Variants in ANKRD12 observed in about 807,000 individuals in gnomAD.
ANKRD12 encodes the protein ankyrin repeat domain-containing protein 12.
A neutral mutation model predicts 183.4 loss-of-function variants in ANKRD12; 85 were observed. The ratio of observed to expected loss-of-function variants is 0.46; its 90% CI spans 0.39 to 0.56. ANKRD12 has a LOEUF of 0.56. ANKRD12 is among the 20% of genes least tolerant of loss of function. ANKRD12 has a pLI of 0.00. For synonymous variants in ANKRD12, 914 were observed against 800.2 expected (o/e 1.14, Z -2.40); for missense variants, 2,405 against 2,357.1 (o/e 1.02, Z -0.42).
chr18:9,276,054 A>G (rs2039818258), intron 11 of ANKRD12, among the ~76,000 whole-genome samples: 1 of 152,212 alleles, frequency 6.6e-6, no homozygotes, highest in South Asian at 2.1e-4. Flanking sequence ...CTAAAAACAG[A>G]GCGAGTCTTC....
intron 1 of ANKRD12, among the ~76,000 whole-genome samples, chr18:9,175,523 C>CT (rs33944736): frequency 0.045 from 2,398 of 52,982 alleles, 674 homozygotes; most frequent in African/African-American, 0.063. Context: ...AAAGGCTCCT[C>CT]TTTTTTTTTT....
intron 1 of ANKRD12, among the ~76,000 whole-genome samples, chr18:9,167,129 A>G (rs1417701135): frequency 6.6e-6 from 1 of 152,140 alleles, no homozygotes; most frequent in African/African-American, 2.4e-5. Flanking sequence ...GCCTTGTAGT[A>G]TAGTTTGAAG....
In ANKRD12 at chr18:9,211,627, G is replaced by A. The variant is rs749674116; in HGVS notation, c.495G>A (p.Lys165=). The A allele has an allele frequency of 3.0e-5, 49 of 1,613,754 alleles. No homozygotes were observed. In the South Asian group the frequency reaches 5.1e-4, roughly 17 times the overall value. Residue 165 remains lysine (K), a synonymous_variant, in exon 6 of 13, where the codon AAG becomes AAA. Transcript: ENST00000262126. ...CATCACAAACAACGCCTGCCCAAAA[G>A]AAAACTCCCAGTTCTTCATCTCGAC... The part of the protein sequence containing the change: ...NHPSQTTPAQ[K]KTPSSSSRQK...
At chr18:9,243,818 G>A (rs1334560908) in intron 8 of ANKRD12, among the ~76,000 whole-genome samples, 1 of 152,194 alleles carries the variant, frequency 6.6e-6, no homozygotes, top group Non-Finnish European at 1.5e-5. Context: ...GCAAATGTTA[G>A]GAAAATAGTT....
At position 9,258,767 on chromosome 18, in the gene ANKRD12, A is replaced by C; in HGVS notation, c.5500A>C (p.Asn1834His). ...TCAGCCATACAGTTCAGAGAGAGCA[A>C]ATCCATATTTTGAATACTTGCACAT... ...EIQPYSSERA[N>H]PYFEYLHIRK... Residue 1834 changes from asparagine to histidine, a missense_variant, in exon 9 of 13, where the codon AAT becomes CAT. This residue lies in a region of ANKRD12 where 1,983 missense variants were observed against 1,725.9 expected (regional missense o/e 1.15). Transcript: ENST00000262126. 1 of 1,613,918 alleles carries C rather than the reference A, an allele frequency of 6.2e-7. No individual in the cohort carries two copies. The highest frequency in any genetic ancestry group is 8.5e-7 in the Non-Finnish European group (1 of 1,179,872).
chr18:9,185,815 A>C (rs1395412218), intron 2 of ANKRD12, among the ~76,000 whole-genome samples: 1 of 152,224 alleles, frequency 6.6e-6, no homozygotes, highest in East Asian at 1.9e-4. Context: ...CTGCACTGCC[A>C]AATGCAACAG....
At chr18:9,168,512 T>C (rs2032328522) in intron 1 of ANKRD12, among the ~76,000 whole-genome samples, 1 of 152,340 alleles carries the variant, frequency 6.6e-6, no homozygotes, top group Non-Finnish European at 1.5e-5. Flanking sequence ...TGTATAGTGG[T>C]GTTTATAGTA....
Position 9,254,754 on chromosome 18 carries a change from A to G in ANKRD12, c.1487A>G (p.Glu496Gly), listed in dbSNP as rs2038500504. ...QELKQEKEGK[E>G]NTRITNLTVN... is the part of the protein sequence containing the mutation. ...CTAAAGCAAGAAAAGGAAGGAAAAG[A>G]AAATACAAGAATAACAAACTTGACA... The change falls in exon 9 of 13, where the codon GAA becomes GGA. Residue 496 changes from glutamate (E) to glycine (G), a missense_variant. Glu to Gly is a moderately conservative substitution (Grantham distance 98). This residue lies in a region of ANKRD12 where 1,983 missense variants were observed against 1,725.9 expected (regional missense o/e 1.15). Coordinates refer to ENST00000262126, the MANE Select transcript of ANKRD12 (RefSeq NM_015208.5). 3 of 1,475,100 alleles carry G rather than the reference A, an allele frequency of 2.0e-6. No homozygotes were observed. The highest frequency in any genetic ancestry group is 1.8e-6 in the Non-Finnish European group (2 of 1,113,878). 91.4% of individuals were successfully genotyped at this position (1,475,100 alleles called of 1,614,324 possible).
At chr18:9,142,740 T>C (rs1380394953) in intron 1 of ANKRD12, among the ~76,000 whole-genome samples, 1 of 151,934 alleles carries the variant, frequency 6.6e-6, no homozygotes, top group Admixed American at 6.6e-5. Flanking sequence ...AAAAATTAGC[T>C]GGGCGTGGTG....
At chr18:9,138,848 C>G (rs2143251687) in intron 1 of ANKRD12, among the ~76,000 whole-genome samples, 1 of 152,266 alleles carries the variant, frequency 6.6e-6, no homozygotes, top group East Asian at 1.9e-4. Context: ...ACTTAAGGAT[C>G]TTTTATATTT....
chr18:9,149,421 A>G (rs960703067), intron 1 of ANKRD12, among the ~76,000 whole-genome samples: 1 of 152,204 alleles, frequency 6.6e-6, no homozygotes, highest in African/African-American at 2.4e-5. Flanking sequence ...TATTGAACAT[A>G]CTTTTCATGA....
At position 9,182,382 on chromosome 18, in the gene ANKRD12, A is replaced by T; in HGVS notation, c.-51A>T. On this transcript the variant is annotated splice_region_variant and 5_prime_UTR_variant, in exon 2 of 13. Coordinates refer to ENST00000262126, the MANE Select transcript of ANKRD12 (RefSeq NM_015208.5). ...ACCCTTATATATCTATTCTTTACAGATCCAGGATGAGAAGACTGATAAAAG... is the reference window on the plus strand; with the variant it reads ...ACCCTTATATATCTATTCTTTACAGTTCCAGGATGAGAAGACTGATAAAAG... The T allele has an allele frequency of 1.6e-6, 2 of 1,247,594 alleles. No homozygotes were observed. Among genetic ancestry groups the T allele is most frequent in the Non-Finnish European group, 2.3e-6 (2 of 865,426 alleles). 77.3% of individuals were successfully genotyped at this position (1,247,594 alleles called of 1,614,324 possible).
intron 9 of ANKRD12, among the ~76,000 whole-genome samples, chr18:9,261,370 T>G (rs1271562023): frequency 6.6e-6 from 1 of 152,206 alleles, no homozygotes; most frequent in Admixed American, 6.5e-5. Flanking sequence ...GAACCTTTGA[T>G]GTATTGGGAG....
At chr18:9,161,028 G>A (rs1353588831) in intron 1 of ANKRD12, among the ~76,000 whole-genome samples, 1 of 152,060 alleles carries the variant, frequency 6.6e-6, no homozygotes, top group Non-Finnish European at 1.5e-5. Flanking sequence ...TTGTAGAGAT[G>A]AGGTCTCACT....
chr18:9,217,938 G>A (rs2036203706), intron 7 of ANKRD12, among the ~76,000 whole-genome samples: 1 of 152,186 alleles, frequency 6.6e-6, no homozygotes, highest in African/African-American at 2.4e-5. Flanking sequence ...AGGATAGGCA[G>A]AATGACAAAA....
chr18:9,176,303 C>G (rs113785020), intron 1 of ANKRD12, among the ~76,000 whole-genome samples: 6 of 152,018 alleles, frequency 3.9e-5, no homozygotes, highest in African/African-American at 1.4e-4. Flanking sequence ...GGGTCTGGCT[C>G]TGTCACTCAG....
At position 9,256,888 on chromosome 18, in the gene ANKRD12, T is replaced by A; in HGVS notation, c.3621T>A (p.Ile1207=). The A allele has an allele frequency of 1.2e-6, 2 of 1,613,958 alleles. No homozygotes were observed. Among genetic ancestry groups the A allele is most frequent in the Non-Finnish European group, 1.7e-6 (2 of 1,179,948 alleles). ...PGLSSRSVSM[I]SVASSEDSCH... The stretch of plus-strand genomic sequence containing the variant: ...TCAGCTCCAGATCTGTATCCATGAT[T>A]TCTGTTGCTAGTTCAGAAGATTCCT... The change falls in exon 9 of 13, where the codon ATT becomes ATA. Residue 1207 remains isoleucine, a synonymous_variant. Coordinates refer to ENST00000262126, the MANE Select transcript of ANKRD12 (RefSeq NM_015208.5).
At chr18:9,265,402 C>T (rs960062635) in intron 10 of ANKRD12, among the ~76,000 whole-genome samples, 6 of 152,142 alleles carry the variant, frequency 3.9e-5, no homozygotes, top group Non-Finnish European at 8.8e-5. Flanking sequence ...ACACCTCACA[C>T]GGCTGGGTAC....
intron 2 of ANKRD12, among the ~76,000 whole-genome samples, chr18:9,182,882 A>G (rs1046143558): frequency 2.6e-5 from 4 of 152,056 alleles, no homozygotes; most frequent in African/African-American, 9.7e-5. Flanking sequence ...GACTCCTGCA[A>G]TTGTCTCCTA....
Sources: gnomAD v4.1 joint callset for allele counts (sites outside exome capture counted in the v4.1 genomes callset) on GRCh38, gnomAD v4.1.1 for gene constraint, gnomAD v4.1.1 regional missense constraint, MANE v1.5 for transcripts, NCBI Gene and HGNC (gene_info 2026-07-23, HGNC 2026-07-21) for gene names.